The following CLASP2 variants were observed in gnomAD, a reference collection of about 807,000 sequenced individuals.
CLASP2 encodes CLIP-associating protein 2.
A neutral mutation model predicts 194.4 loss-of-function variants in CLASP2; 47 were observed. The ratio of observed to expected loss-of-function variants is 0.24; its 90% CI spans 0.19 to 0.31. CLASP2 has a LOEUF of 0.31. Among genes scored for constraint, CLASP2 ranks in the 10% least tolerant of loss-of-function variants. The pLI is 1.00. For missense variants in CLASP2, 1,445 were observed against 1,823.6 expected (o/e 0.79, Z 3.78); for synonymous variants, 619 against 633.5 (o/e 0.98, Z 0.34).
intron 30 of CLASP2, among the ~76,000 whole-genome samples, chr3:33,547,405 G>GT (rs2059320511): frequency 1.3e-5 from 2 of 152,306 alleles, no homozygotes; most frequent in Admixed American, 6.5e-5. Flanking sequence ...ACATGAAACT[G>GT]TAAGTTCAAT....
At position 33,570,873 on chromosome 3, in the gene CLASP2, A is replaced by T. The variant is rs997322529; in HGVS notation, c.2700-83T>A. The T allele has an allele frequency of 0.18, 1,105 of 6,268 alleles. No individual in the cohort carries two copies. The highest frequency in any genetic ancestry group is 0.36 in the South Asian group (88 of 244). The allele number at this position is 6,268 out of a possible 1,614,324, so 0.4% of individuals were successfully genotyped here. The stretch of plus-strand genomic sequence containing the variant: ...AGTAACTTTACATATAATTTTCTTT[A>T]AAAAAAAAAAAAAAAGGTTAGGTTG... On this transcript the variant is annotated intron_variant, in intron 25 of 38. Transcript: ENST00000682230.
chr3:33,573,578 CAGAGTA>C, intron 24 of CLASP2: 1 of 571,484 alleles, frequency 1.7e-6, no homozygotes, highest in Non-Finnish European at 3.1e-6. Flanking sequence ...GTGGTAGAAG[CAGAGTA>C]AGACTATATG....
chr3:33,662,113 CAA>C (rs1204828647), intron 7 of CLASP2, among the ~76,000 whole-genome samples: 2 of 151,910 alleles, frequency 1.3e-5, no homozygotes, highest in African/African-American at 2.4e-5. Flanking sequence ...GAGTGATAAA[CAA>C]GAGAAAAAGT....
At chr3:33,703,051 T>C (rs1313446479) in intron 1 of CLASP2, among the ~76,000 whole-genome samples, 1 of 152,210 alleles carries the variant, frequency 6.6e-6, no homozygotes, top group Non-Finnish European at 1.5e-5. Context: ...GATGTGGCAA[T>C]GTCTTTTTAG....
At chr3:33,608,072 A>G (rs1044621168) in intron 14 of CLASP2, among the ~76,000 whole-genome samples, 2 of 152,208 alleles carry the variant, frequency 1.3e-5, no homozygotes, top group African/African-American at 2.4e-5. Context: ...CCAGTCACCA[A>G]TCAGCTGCCC....
rs777459251 is a variant in CLASP2, at chr3:33,576,143, A to G, written c.2454+26T>C. On this transcript the variant is annotated intron_variant, in intron 24 of 38. Transcript: ENST00000682230. ...ACAGTTTCGTAATTGGAACATTTAT[A>G]ATGATAAGAAAATGGAGAAGAGTAC... 2.8e-5 allele frequency: 44 copies of G among 1,566,626 alleles called. 2 individuals carry two copies. Among genetic ancestry groups the G allele is most frequent in the Non-Finnish European group, 3.7e-5 (42 of 1,137,554 alleles).
At chr3:33,516,858 T>A in intron 35 of CLASP2, 123 bp downstream of exon 35, 1 of 849,950 alleles carries the variant, frequency 1.2e-6, no homozygotes. Context: ...GAAAAGTTCA[T>A]GCAGAAAGCA....
At chr3:33,632,768 A>T (rs2079338706) in intron 8 of CLASP2, among the ~76,000 whole-genome samples, 1 of 152,238 alleles carries the variant, frequency 6.6e-6, no homozygotes, top group Non-Finnish European at 1.5e-5. Context: ...TACTATGGTC[A>T]GGAAAGCATG....
At chr3:33,649,312 A>G (rs1472833261) in intron 7 of CLASP2, among the ~76,000 whole-genome samples, 4 of 152,168 alleles carry the variant, frequency 2.6e-5, no homozygotes, top group Non-Finnish European at 5.9e-5. Context: ...TATCATCTAT[A>G]TATTTTACTT....
chr3:33,514,704 GA>G, intron 36 of CLASP2: 2 of 362,396 alleles, frequency 5.5e-6, no homozygotes, highest in Non-Finnish European at 1.1e-5. Flanking sequence ...GTCATGATAT[GA>G]AAAAGATACT....
At chr3:33,651,564 G>C (rs2083216047) in intron 7 of CLASP2, among the ~76,000 whole-genome samples, 1 of 151,186 alleles carries the variant, frequency 6.6e-6, no homozygotes, top group Non-Finnish European at 1.5e-5. Flanking sequence ...AAGGGTCTGT[G>C]AATTTATATT....
At chr3:33,641,346 G>A (rs536709563) in intron 8 of CLASP2, among the ~76,000 whole-genome samples, 8 of 151,912 alleles carry the variant, frequency 5.3e-5, no homozygotes, top group Non-Finnish European at 1.0e-4. Flanking sequence ...AGTTACAAGT[G>A]TTATTCAGAA....
intron 34 of CLASP2, among the ~76,000 whole-genome samples, chr3:33,526,219 C>G (rs1031471159): frequency 6.6e-6 from 1 of 151,920 alleles, no homozygotes; most frequent in African/African-American, 2.4e-5. Context: ...GTGATCTGCC[C>G]TGCCTTGACC....
intron 34 of CLASP2, among the ~76,000 whole-genome samples, chr3:33,518,761 G>C (rs2052145055): frequency 6.6e-6 from 1 of 152,188 alleles, no homozygotes; most frequent in African/African-American, 2.4e-5. Flanking sequence ...AATTACTCTA[G>C]CAGATAATTA....
chr3:33,599,793 A>G lies in CLASP2; in HGVS notation c.1925-3059T>C, dbSNP rs369442575. 4.6e-5 allele frequency among the ~76,000 whole-genome samples: 7 copies of G among 152,254 alleles called. No homozygotes were observed. The South Asian group carries it at 1.5e-3, about 32-fold the overall frequency. On this transcript the variant is annotated intron_variant, in intron 18 of 38. Coordinates refer to ENST00000682230, the MANE Select transcript of CLASP2 (RefSeq NM_001365631.1). ...GTGGGGTGAAGGGAGAAAGGGAAGG[A>G]GGGTAAGAAGGAGAACATCCTTTAT...
At chr3:33,566,396 T>C (rs1049697782) in intron 27 of CLASP2, among the ~76,000 whole-genome samples, 6 of 152,196 alleles carry the variant, frequency 3.9e-5, no homozygotes, top group Non-Finnish European at 8.8e-5. Context: ...ATAGAATCAA[T>C]TTATTATCCC....
intron 2 of CLASP2, among the ~76,000 whole-genome samples, chr3:33,695,220 AT>A (rs762657276): frequency 9.2e-4 from 95 of 103,810 alleles, no homozygotes; most frequent in South Asian, 3.1e-3. Flanking sequence ...AAGCCTGCTA[AT>A]TTTTTTTTTT....
At chr3:33,587,424 G>A (rs1247437093) in intron 21 of CLASP2, among the ~76,000 whole-genome samples, 1 of 152,018 alleles carries the variant, frequency 6.6e-6, no homozygotes, top group Non-Finnish European at 1.5e-5. Context: ...GCACCCGGCC[G>A]ATCTGTGATT....
intron 30 of CLASP2, among the ~76,000 whole-genome samples, chr3:33,547,139 C>T (rs1309372454): frequency 2.0e-5 from 3 of 152,080 alleles, no homozygotes; most frequent in Non-Finnish European, 4.4e-5. Context: ...GCTCTGTGTC[C>T]CCACACAAAT....
Sources: allele counts gnomAD v4.1 joint callset (sites outside exome capture counted in the v4.1 genomes callset), GRCh38; gene constraint gnomAD v4.1.1; transcripts MANE v1.5; gene names NCBI Gene and HGNC (gene_info 2026-07-23, HGNC 2026-07-21).